Variants in COL22A1 observed in about 807,000 individuals in gnomAD.
COL22A1 encodes collagen type XXII alpha 1 chain, also known as collagen alpha-1(XXII) chain.
Under a neutral mutation model 248.9 loss-of-function variants are expected in COL22A1, and 221 were observed. The ratio of observed to expected loss-of-function variants is 0.89; its 90% confidence interval spans 0.80 to 0.99. COL22A1 has a LOEUF of 0.99. Among genes scored for constraint, COL22A1 ranks in the 50% least tolerant of loss-of-function variants. The pLI, the probability that COL22A1 is intolerant of heterozygous loss-of-function variation, is 0.00. For missense variants in COL22A1, 2,240 were observed against 2,179.0 expected (o/e 1.03, Z -0.56); for synonymous variants, 891 against 793.4 (o/e 1.12, Z -2.07).
At chr8:138,609,863 T>G (rs1354684252) in intron 56 of COL22A1, among the ~76,000 whole-genome samples, 1 of 152,044 alleles carries the variant, frequency 6.6e-6, no homozygotes, top group Non-Finnish European at 1.5e-5. Context: ...GGAACCTGGT[T>G]CCCTCCTGGG....
At position 138,862,204 on chromosome 8, in the gene COL22A1, C is replaced by T. The variant is rs137956419; in HGVS notation, c.658+15546G>A. On this transcript the variant is annotated intron_variant, in intron 3 of 64. Transcript: ENST00000303045. ...CCACACTCCAGCCTGGGAGACAGAG[C>T]GAGACTCTGTCTCAAAATGAAGAAA... Among the ~76,000 whole-genome samples, 599 of 152,056 alleles carry T rather than the reference C, an allele frequency of 3.9e-3. 1 individual carries two copies. Among genetic ancestry groups the T allele is most frequent in the African/African-American group, 0.014 (576 of 41,468 alleles).
chr8:138,663,016 T>TCACACACACACACACACACACACACACA (rs6150848), intron 42 of COL22A1, among the ~76,000 whole-genome samples: 10 of 148,738 alleles, frequency 6.7e-5, no homozygotes, highest in African/African-American at 2.5e-4. Flanking sequence ...ACTCTGTCAC[T>TCACACACACACACACACACACACACACA]CACACACACA....
rs1563856766 is a variant in COL22A1, at chr8:138,862,632, CTTG to C, written c.658+15115_658+15117del. Reference sequence around the variant, plus strand: ...TATAATTTTAAGGGCTATCTTTCCTCTTGTTTTTTTCCCTCATATTAACTATTA... The same window carrying C: ...TATAATTTTAAGGGCTATCTTTCCTCTTTTTTTCCCTCATATTAACTATTA... On this transcript the variant is annotated intron_variant, in intron 3 of 64. Transcript: ENST00000303045. 2.0e-5 allele frequency among the ~76,000 whole-genome samples: 3 copies of C among 152,190 alleles called. No individual in the cohort carries two copies. In the East Asian group the frequency reaches 5.8e-4, roughly 29 times the overall value.
chr8:138,727,351 G>A (rs1440416573), intron 23 of COL22A1, among the ~76,000 whole-genome samples: 2 of 151,862 alleles, frequency 1.3e-5, no homozygotes, highest in East Asian at 3.9e-4. Flanking sequence ...TCCCTGCTCC[G>A]TGCTCAAAAC....
chr8:138,677,572 G>T (rs546409400), intron 40 of COL22A1, among the ~76,000 whole-genome samples: 1 of 144,472 alleles, frequency 6.9e-6, no homozygotes, highest in African/African-American at 2.6e-5. Flanking sequence ...TCTCAACTCA[G>T]TTGGCAGCAA....
At chr8:138,693,827 G>T in intron 34 of COL22A1, 128 bp from the exon 35 acceptor site, 1 of 919,526 alleles carries the variant, frequency 1.1e-6, no homozygotes, top group Non-Finnish European at 1.7e-6. Flanking sequence ...GGGCCCGGGA[G>T]CACCGTCTAA....
chr8:138,722,116 A>G, intron 25 of COL22A1, 27 bp from the exon 26 acceptor site: 1 of 1,553,062 alleles, frequency 6.4e-7, no homozygotes, highest in Non-Finnish European at 8.7e-7. Context: ...AAACATAAAT[A>G]AAAAGGAAAG....
At chr8:138,614,040 A>C (rs1390092264) in intron 55 of COL22A1, 120 bp from the exon 56 acceptor site, 39 of 775,486 alleles carry the variant, frequency 5.0e-5, no homozygotes, top group Non-Finnish European at 9.0e-6. Flanking sequence ...CAAATTGTCC[A>C]GCATGTTTCA....
At chr8:138,862,930 C>T (rs908703295) in intron 3 of COL22A1, among the ~76,000 whole-genome samples, 2 of 152,056 alleles carry the variant, frequency 1.3e-5, no homozygotes, top group African/African-American at 2.4e-5. Context: ...CATAGGTGGG[C>T]TTGTTCTACC....
At chr8:138,848,463 C>T (rs1015172959) in intron 3 of COL22A1, among the ~76,000 whole-genome samples, 2 of 152,108 alleles carry the variant, frequency 1.3e-5, no homozygotes, top group African/African-American at 4.8e-5. Flanking sequence ...CTCAGTTTAC[C>T]AAATGGCAAA....
At chr8:138,826,474 G>A (rs966742079) in intron 6 of COL22A1, among the ~76,000 whole-genome samples, 184 bp downstream of exon 6, 6 of 152,142 alleles carry the variant, frequency 3.9e-5, no homozygotes, top group Non-Finnish European at 1.5e-5. Context: ...AGGACAAGAA[G>A]CTAGACCTCT....
At chr8:138,599,505 C>T (rs1457795197) in intron 60 of COL22A1, among the ~76,000 whole-genome samples, 1 of 151,754 alleles carries the variant, frequency 6.6e-6, no homozygotes, top group Non-Finnish European at 1.5e-5. Flanking sequence ...CAAAACAAAA[C>T]AAAACAAAAA....
chr8:138,723,401 T>C (rs546533329), intron 25 of COL22A1, among the ~76,000 whole-genome samples: 4 of 152,284 alleles, frequency 2.6e-5, no homozygotes, highest in African/African-American at 9.6e-5. Flanking sequence ...GAAAGCAGGA[T>C]CTTGACCAGG....
intron 52 of COL22A1, among the ~76,000 whole-genome samples, chr8:138,621,524 A>G (rs1456268176): frequency 1.3e-5 from 2 of 152,190 alleles, no homozygotes; most frequent in East Asian, 3.9e-4. Context: ...GTCCTCAGTT[A>G]TTCTGAACTG....
At chr8:138,704,162 G>A (rs1828208771) in intron 30 of COL22A1, among the ~76,000 whole-genome samples, 4 of 152,172 alleles carry the variant, frequency 2.6e-5, no homozygotes, top group African/African-American at 9.7e-5. Flanking sequence ...ACAGCTTAAG[G>A]AGGCCTGCCT....
At chr8:138,659,121 T>C (rs1468474976) in intron 44 of COL22A1, among the ~76,000 whole-genome samples, 1 of 152,196 alleles carries the variant, frequency 6.6e-6, no homozygotes, top group Non-Finnish European at 1.5e-5. Context: ...ATGAAGTGGC[T>C]TCATTATAAA....
intron 3 of COL22A1, among the ~76,000 whole-genome samples, chr8:138,851,032 G>A (rs960698300): frequency 3.9e-5 from 6 of 152,190 alleles, no homozygotes; most frequent in Non-Finnish European, 7.3e-5. Flanking sequence ...TGGTGCTCCC[G>A]TGCTAGTGGA....
intron 1 of COL22A1, among the ~76,000 whole-genome samples, chr8:138,884,721 C>T (rs1189693739): frequency 6.6e-6 from 1 of 152,130 alleles, no homozygotes; most frequent in Admixed American, 6.5e-5. Flanking sequence ...ACCACTAGCA[C>T]CCTGGACCAG....
intron 10 of COL22A1, among the ~76,000 whole-genome samples, chr8:138,806,451 A>G (rs547461957): frequency 3.3e-4 from 50 of 152,014 alleles, no homozygotes; most frequent in African/African-American, 1.2e-3. Context: ...GAGAGAGAGA[A>G]AAGAGAAAGA....
Sources: gnomAD v4.1 joint callset for allele counts (sites outside exome capture counted in the v4.1 genomes callset) on GRCh38, gnomAD v4.1.1 for gene constraint, MANE v1.5 for transcripts, NCBI Gene and HGNC (gene_info 2026-07-23, HGNC 2026-07-21) for gene names.